The following SDK1 variants were observed in gnomAD, a reference collection of about 807,000 sequenced individuals.
SDK1 encodes the protein protein sidekick-1.
In SDK1, 157 loss-of-function variants were observed where a neutral mutation model predicts 245.5. That is an observed-to-expected ratio of 0.64 (90% confidence interval 0.56 to 0.73). The LOEUF (loss-of-function observed/expected upper bound fraction) is 0.73. Among genes scored for constraint, SDK1 ranks in the 30% least tolerant of loss-of-function variants. The pLI is 0.00. For missense variants in SDK1, 3,583 were observed against 3,002.3 expected, an observed-to-expected ratio of 1.19 and a Z score of -4.52; for synonymous variants, 1,647 against 1,278.5, an observed-to-expected ratio of 1.29 and a Z score of -6.15.
chr7:3,992,353 G>A (rs1392830648), intron 14 of SDK1, among the ~76,000 whole-genome samples: 1 of 152,230 alleles, frequency 6.6e-6, no homozygotes, highest in Non-Finnish European at 1.5e-5. Flanking sequence ...TCTCTGAGAA[G>A]TTTGATGGTT....
intron 3 of SDK1, among the ~76,000 whole-genome samples, chr7:3,641,649 G>A (rs1306685182): frequency 6.6e-6 from 1 of 152,220 alleles, no homozygotes; most frequent in East Asian, 1.9e-4. Flanking sequence ...CTCTAGGATG[G>A]CTTCAGCATT....
intron 5 of SDK1, among the ~76,000 whole-genome samples, chr7:3,857,228 C>G (rs1351958078): frequency 6.6e-6 from 1 of 151,926 alleles, no homozygotes; most frequent in African/African-American, 2.4e-5. Flanking sequence ...GGAAAGATGT[C>G]TACTATTAAC....
chr7:3,701,616 T>C (rs1784741609), intron 4 of SDK1, among the ~76,000 whole-genome samples: 1 of 152,076 alleles, frequency 6.6e-6, no homozygotes, highest in Non-Finnish European at 1.5e-5. Flanking sequence ...CCCAAAAATA[T>C]AAAAGATTAT....
intron 4 of SDK1, among the ~76,000 whole-genome samples, chr7:3,710,159 C>T (rs1488021842): frequency 6.6e-6 from 1 of 152,188 alleles, no homozygotes; most frequent in Admixed American, 6.5e-5. Flanking sequence ...TCATTTTTCA[C>T]TGACAGATCT....
chr7:3,644,793 C>CAAAAA (rs59276438), intron 4 of SDK1, among the ~76,000 whole-genome samples: 5 of 108,894 alleles, frequency 4.6e-5, no homozygotes, highest in Admixed American at 1.2e-4. Flanking sequence ...AAAAAAAAAA[C>CAAAAA]AAAAAACAAC....
intron 5 of SDK1, among the ~76,000 whole-genome samples, chr7:3,889,998 A>G (rs549753202): frequency 1.1e-4 from 16 of 152,110 alleles, no homozygotes; most frequent in African/African-American, 3.9e-4. Flanking sequence ...GCAACCAAGA[A>G]CCTCTGACTG....
At chr7:3,341,602 A>G (rs1413609375) in intron 1 of SDK1, among the ~76,000 whole-genome samples, 1 of 152,228 alleles carries the variant, frequency 6.6e-6, no homozygotes, top group Non-Finnish European at 1.5e-5. Flanking sequence ...GGAGTTCAAC[A>G]TAGTTGCTGC....
chr7:3,937,398 G>A (rs1157196401), intron 5 of SDK1, among the ~76,000 whole-genome samples: 1 of 152,190 alleles, frequency 6.6e-6, no homozygotes, highest in African/African-American at 2.4e-5. Context: ...AGAACCACGG[G>A]GAAGACCAAA....
chr7:4,154,542 G>A (rs887178592), intron 30 of SDK1, among the ~76,000 whole-genome samples: 10 of 152,114 alleles, frequency 6.6e-5, no homozygotes, highest in African/African-American at 1.4e-4. Context: ...TGAGGGCTCC[G>A]GGGTGGGGGA....
In SDK1 at chr7:4,110,632, C is replaced by G. The variant is rs746803080; in HGVS notation, c.3325-31C>G. ...GGCAGCCTCAGTCCCTAAGGCATGT[C>G]CAGCCCATCTCAGTGTCTCCCTCTG... On this transcript the variant is annotated intron_variant, in intron 22 of 44. Coordinates refer to ENST00000404826, the MANE Select transcript of SDK1 (RefSeq NM_152744.4). 7 of 1,489,912 alleles carry G rather than the reference C, an allele frequency of 4.7e-6. No homozygotes were observed. The South Asian group carries it at 5.6e-5, about 12-fold the overall frequency. The allele number at this position is 1,489,912 out of a possible 1,614,324, so 92.3% of individuals were successfully genotyped here.
At chr7:3,811,058 T>C (rs1779371422) in intron 4 of SDK1, among the ~76,000 whole-genome samples, 1 of 152,226 alleles carries the variant, frequency 6.6e-6, no homozygotes, top group African/African-American at 2.4e-5. Flanking sequence ...TGACATTTAC[T>C]GTTTTCTTAC....
intron 4 of SDK1, among the ~76,000 whole-genome samples, chr7:3,663,593 G>A (rs558914638): frequency 1.3e-5 from 2 of 152,280 alleles, no homozygotes; most frequent in Admixed American, 1.3e-4. Context: ...GGGACAGTGT[G>A]TGTGACATGC....
At chr7:3,753,162 G>A (rs1779822289) in intron 4 of SDK1, among the ~76,000 whole-genome samples, 1 of 152,128 alleles carries the variant, frequency 6.6e-6, no homozygotes, top group Non-Finnish European at 1.5e-5. Flanking sequence ...TCATTAATAA[G>A]CTAGTTATGA....
intron 19 of SDK1, among the ~76,000 whole-genome samples, chr7:4,066,837 T>C (rs1374565373): frequency 1.3e-5 from 2 of 152,218 alleles, no homozygotes; most frequent in African/African-American, 4.8e-5. Context: ...CATCTGCATG[T>C]GGGGCGGAGC....
intron 5 of SDK1, among the ~76,000 whole-genome samples, chr7:3,941,306 G>A (rs534782268): frequency 2.6e-4 from 39 of 151,980 alleles, no homozygotes; most frequent in Middle Eastern, 6.8e-3. Context: ...CTCCCTGACC[G>A]TGCTCCCACC....
intron 20 of SDK1, among the ~76,000 whole-genome samples, chr7:4,072,893 G>C (rs1005225838): frequency 7.9e-5 from 12 of 152,238 alleles, no homozygotes; most frequent in Non-Finnish European, 1.2e-4. Flanking sequence ...CGGAGTAGGG[G>C]GCGGCTGCGC....
chr7:4,233,969 C>A (rs1485614896), intron 41 of SDK1, among the ~76,000 whole-genome samples: 3 of 152,202 alleles, frequency 2.0e-5, no homozygotes, highest in Non-Finnish European at 2.9e-5. Flanking sequence ...CGTGGTGTCC[C>A]CTCCGCAACA....
chr7:3,804,898 A>C (rs1473589407), intron 4 of SDK1, among the ~76,000 whole-genome samples: 1 of 152,232 alleles, frequency 6.6e-6, no homozygotes, highest in African/African-American at 2.4e-5. Flanking sequence ...GATTGGTGAG[A>C]TATTGGTCGA....
chr7:4,061,128 CT>C (rs1320552545), intron 19 of SDK1, among the ~76,000 whole-genome samples: 2 of 152,182 alleles, frequency 1.3e-5, no homozygotes, highest in Admixed American at 6.5e-5. Flanking sequence ...AATGTGGGCT[CT>C]TTTTTGGTTC....
Sources: gnomAD v4.1 joint callset for allele counts (sites outside exome capture counted in the v4.1 genomes callset) on GRCh38, gnomAD v4.1.1 for gene constraint, MANE v1.5 for transcripts, NCBI Gene and HGNC (gene_info 2026-07-23, HGNC 2026-07-21) for gene names.